Variants in SDK1 observed in about 807,000 individuals in gnomAD.
SDK1 encodes the protein protein sidekick-1.
SDK1 carries 157 observed loss-of-function variants against 245.5 expected under a neutral mutation model. The ratio of observed to expected loss-of-function variants is 0.64; its 90% CI spans 0.56 to 0.73. The LOEUF is 0.73. SDK1 is among the 30% of genes least tolerant of loss of function. The probability of loss-of-function intolerance (pLI) is 0.00; values close to 1 mark genes in which losing one functional copy is unlikely to be tolerated. For synonymous variants in SDK1, 1,647 were observed against 1,278.5 expected, an observed-to-expected ratio of 1.29 and a Z score of -6.15; for missense variants, 3,583 against 3,002.3, an observed-to-expected ratio of 1.19 and a Z score of -4.52.
chr7:3,344,377 C>G (rs1416680559), intron 1 of SDK1, among the ~76,000 whole-genome samples: 2 of 152,180 alleles, frequency 1.3e-5, no homozygotes, highest in Non-Finnish European at 2.9e-5. Flanking sequence ...AGCTCTGTAC[C>G]TAGCTCAGGA....
chr7:3,959,430 A>G lies in SDK1; in HGVS notation c.1234+416A>G, dbSNP rs1781504990. 2.0e-5 allele frequency among the ~76,000 whole-genome samples: 3 copies of G among 152,148 alleles called. No individual in the cohort carries two copies. The South Asian group carries it at 6.2e-4, about 32-fold the overall frequency. On this transcript the variant is annotated intron_variant, in intron 8 of 44. Coordinates refer to ENST00000404826, the MANE Select transcript of SDK1 (RefSeq NM_152744.4). ...CCACTCTAGAAAGGGAGATGGGTGTACATGTATTTGTAGTAGGTACGTGAG... is the reference window on the plus strand; with the variant it reads ...CCACTCTAGAAAGGGAGATGGGTGTGCATGTATTTGTAGTAGGTACGTGAG...
intron 1 of SDK1, among the ~76,000 whole-genome samples, chr7:3,414,726 T>A (rs1169067074): frequency 2.0e-5 from 3 of 152,206 alleles, no homozygotes; most frequent in African/African-American, 4.8e-5. Flanking sequence ...AACCCTGCGC[T>A]CACTAGCAAT....
rs1407476041 is a variant in SDK1, at chr7:4,012,178, A to G, written c.2363A>G (p.Gln788Arg). Residue 788 changes from glutamine to arginine, a missense_variant, in exon 16 of 45, where the codon CAG (glutamine) becomes CGG (arginine). Coordinates refer to ENST00000404826, the MANE Select transcript of SDK1 (RefSeq NM_152744.4). ...CGGACTAATCAGTCCATTATGGTCC[A>G]GTGGCAGCCACCCCCAGAAACAGAG... ...SGRTNQSIMVQWQPPPETEHN... is the reference protein window; with the variant it reads ...SGRTNQSIMVRWQPPPETEHN... 6.3e-7 allele frequency: 1 copy of G among 1,577,126 alleles called. No individual in the cohort carries two copies. Among genetic ancestry groups the G allele is most frequent in the East Asian group, 2.4e-5 (1 of 41,380 alleles).
chr7:3,777,249 C>G (rs949821788), intron 4 of SDK1, among the ~76,000 whole-genome samples: 11 of 152,178 alleles, frequency 7.2e-5, no homozygotes, highest in African/African-American at 2.7e-4. Context: ...CTTCAAGTGA[C>G]TTTCGTTCCA....
At chr7:4,236,861 C>A (rs1000745263) in intron 41 of SDK1, among the ~76,000 whole-genome samples, 1 of 152,078 alleles carries the variant, frequency 6.6e-6, no homozygotes, top group Non-Finnish European at 1.5e-5. Context: ...GACGTCTAGG[C>A]GCTTTGTTCC....
chr7:3,564,949 C>G (rs758129145), intron 1 of SDK1, among the ~76,000 whole-genome samples: 11 of 151,856 alleles, frequency 7.2e-5, no homozygotes, highest in African/African-American at 2.2e-4. Flanking sequence ...GTTTAGGAGA[C>G]AAATCTGGAT....
chr7:4,119,117 G>A lies in SDK1; in HGVS notation c.3823+4843G>A, dbSNP rs1394864484. ...AATAAGGCTTTAAAAAAAAAGCTCAGCCTTCCTGAGATTAATTTTATACAG... is the reference window on the plus strand; with the variant it reads ...AATAAGGCTTTAAAAAAAAAGCTCAACCTTCCTGAGATTAATTTTATACAG... On this transcript the variant is annotated intron_variant, in intron 25 of 44. Transcript: ENST00000404826. Among the ~76,000 whole-genome samples, 3 of 148,318 alleles carry A rather than the reference G, an allele frequency of 2.0e-5. 1 individual carries two copies. Among genetic ancestry groups the A allele is most frequent in the African/African-American group, 7.4e-5 (3 of 40,566 alleles).
chr7:3,326,538 T>G (rs944093764), intron 1 of SDK1, among the ~76,000 whole-genome samples: 4 of 152,172 alleles, frequency 2.6e-5, no homozygotes, highest in African/African-American at 9.6e-5. Flanking sequence ...GTAGGATTGC[T>G]GGCTCATACA....
intron 5 of SDK1, among the ~76,000 whole-genome samples, chr7:3,903,017 A>G (rs1421230509): frequency 1.3e-5 from 2 of 152,216 alleles, no homozygotes; most frequent in Non-Finnish European, 2.9e-5. Context: ...CGGGCAATAA[A>G]CACCTGAGAA....
At chr7:3,843,871 G>A (rs1780215906) in intron 5 of SDK1, among the ~76,000 whole-genome samples, 2 of 152,196 alleles carry the variant, frequency 1.3e-5, no homozygotes, top group Non-Finnish European at 1.5e-5. Context: ...ATAGATATAT[G>A]AAGATGTATA....
At chr7:3,874,266 C>G (rs1399985113) in intron 5 of SDK1, among the ~76,000 whole-genome samples, 1 of 152,198 alleles carries the variant, frequency 6.6e-6, no homozygotes, top group Admixed American at 6.5e-5. Flanking sequence ...AGACTTGTCT[C>G]CGTATCTGCT....
intron 4 of SDK1, among the ~76,000 whole-genome samples, chr7:3,756,028 A>G (rs1371448217): frequency 6.6e-6 from 1 of 151,412 alleles, no homozygotes; most frequent in African/African-American, 2.4e-5. Context: ...TTCACATGGC[A>G]TAGCACATGT....
chr7:3,487,424 T>C (rs1361707191), intron 1 of SDK1, among the ~76,000 whole-genome samples: 1 of 151,760 alleles, frequency 6.6e-6, no homozygotes, highest in Non-Finnish European at 1.5e-5. Flanking sequence ...TTGGTTTGGG[T>C]CAGGAGGAGG....
intron 30 of SDK1, among the ~76,000 whole-genome samples, chr7:4,156,439 G>C (rs1302556887): frequency 6.6e-6 from 1 of 152,226 alleles, no homozygotes; most frequent in African/African-American, 2.4e-5. Context: ...AAGGCCAGCT[G>C]TCTCCTGTGG....
At chr7:3,521,386 C>A (rs1205856539) in intron 1 of SDK1, among the ~76,000 whole-genome samples, 4 of 151,916 alleles carry the variant, frequency 2.6e-5, no homozygotes, top group Admixed American at 2.0e-4. Context: ...ACATGGACAT[C>A]TTTTGGGGGC....
intron 4 of SDK1, among the ~76,000 whole-genome samples, chr7:3,657,042 C>T (rs1417198566): frequency 3.9e-5 from 6 of 152,154 alleles, no homozygotes; most frequent in Admixed American, 1.3e-4. Context: ...CCACCGCGCC[C>T]GGCCTTGGTG....
chr7:4,118,304 G>T (rs367618180), intron 25 of SDK1, among the ~76,000 whole-genome samples: 5 of 152,120 alleles, frequency 3.3e-5, no homozygotes, highest in Non-Finnish European at 7.4e-5. Flanking sequence ...TTTACAAATG[G>T]CCACCAAGCA....
intron 5 of SDK1, among the ~76,000 whole-genome samples, chr7:3,914,993 C>G (rs1350281043): frequency 1.3e-5 from 2 of 152,188 alleles, no homozygotes; most frequent in African/African-American, 4.8e-5. Flanking sequence ...GAATCAGAAT[C>G]ATGCGCCATC....
At chr7:3,386,466 T>G (rs1221362227) in intron 1 of SDK1, among the ~76,000 whole-genome samples, 1 of 152,238 alleles carries the variant, frequency 6.6e-6, no homozygotes, top group Non-Finnish European at 1.5e-5. Context: ...CACTCATATT[T>G]TGTTTAGAGT....
Sources: gnomAD v4.1 joint callset for allele counts (sites outside exome capture counted in the v4.1 genomes callset) on GRCh38, gnomAD v4.1.1 for gene constraint, MANE v1.5 for transcripts, NCBI Gene and HGNC (gene_info 2026-07-23, HGNC 2026-07-21) for gene names.